Variants in QKI observed in about 807,000 individuals in gnomAD.
QKI encodes the protein KH domain-containing RNA-binding protein QKI.
A neutral mutation model predicts 39.0 loss-of-function variants in QKI; 10 were observed. That is an observed-to-expected ratio of 0.26 (90% CI 0.16 to 0.43). The LOEUF (loss-of-function observed/expected upper bound fraction) is 0.43, where lower values mean the gene tolerates loss of function less well. Ranked by LOEUF, QKI falls within the 20% of genes least tolerant of loss-of-function variation. The pLI, the probability that QKI is intolerant of heterozygous loss-of-function variation, is 1.00. For missense variants in QKI, 218 were observed against 428.0 expected (o/e 0.51, Z 4.33); for synonymous variants, 204 against 155.4 (o/e 1.31, Z -2.33).
chr6:163,504,560 C>T (rs772817351), intron 3 of QKI, among the ~76,000 whole-genome samples: 5 of 152,064 alleles, frequency 3.3e-5, no homozygotes, highest in African/African-American at 4.8e-5. Context: ...TTGTAGTTCT[C>T]CTTACAGAGA....
chr6:163,506,459 TGAA>T lies in QKI; in HGVS notation c.402+27570_402+27572del, dbSNP rs552723005. Among the ~76,000 whole-genome samples the T allele has an allele frequency of 6.6e-5, 10 of 152,324 alleles. No individual in the cohort carries two copies. The South Asian group carries it at 1.7e-3, about 25-fold the overall frequency. On this transcript the variant is annotated intron_variant, in intron 3 of 7. Coordinates refer to ENST00000361752, the MANE Select transcript of QKI (RefSeq NM_006775.3). Reference sequence around the variant, plus strand: ...ACCACAGGAAATTGCATTGTACAAATGAAGAAGAATACCCTTTTACATCACATG... The same window carrying T: ...ACCACAGGAAATTGCATTGTACAAATGAAGAATACCCTTTTACATCACATG...
At chr6:163,418,415 C>A (rs1359851994) in intron 1 of QKI, among the ~76,000 whole-genome samples, 2 of 152,080 alleles carry the variant, frequency 1.3e-5, no homozygotes, top group Non-Finnish European at 2.9e-5. Flanking sequence ...TAATTCCTTG[C>A]CAAGTTAACC....
At chr6:163,435,598 A>G (rs896226131) in intron 1 of QKI, among the ~76,000 whole-genome samples, 5 of 152,230 alleles carry the variant, frequency 3.3e-5, no homozygotes, top group African/African-American at 1.2e-4. Context: ...GTTAAGTTTT[A>G]TACATTAAAG....
intron 2 of QKI, among the ~76,000 whole-genome samples, chr6:163,475,487 T>C (rs1482064633): frequency 6.6e-6 from 1 of 152,166 alleles, no homozygotes; most frequent in African/African-American, 2.4e-5. Context: ...CACCGTTTTA[T>C]ATAAGGGACT....
chr6:163,545,723 A>G (rs1373919600), intron 4 of QKI, among the ~76,000 whole-genome samples: 3 of 151,972 alleles, frequency 2.0e-5, no homozygotes, highest in South Asian at 2.1e-4. Flanking sequence ...TTTCAACACA[A>G]GGTTTTGTTC....
intron 1 of QKI, among the ~76,000 whole-genome samples, chr6:163,447,249 A>ATTTTTTTT (rs4038332): frequency 8.3e-6 from 1 of 120,188 alleles, no homozygotes; most frequent in African/African-American, 3.1e-5. Flanking sequence ...GGTGCACGTG[A>ATTTTTTTT]TTTTTTTTTT....
chr6:163,486,665 A>G (rs955126911), intron 3 of QKI, among the ~76,000 whole-genome samples: 6 of 152,230 alleles, frequency 3.9e-5, no homozygotes, highest in Admixed American at 3.9e-4. Context: ...AAGAAAATTA[A>G]AGGCTCCTGA....
At position 163,510,763 on chromosome 6, in the gene QKI, A is replaced by G. The variant is rs142657984; in HGVS notation, c.403-24219A>G. Among the ~76,000 whole-genome samples the G allele has an allele frequency of 2.6e-4, 39 of 152,312 alleles. 1 individual carries two copies. Among genetic ancestry groups the G allele is most frequent in the African/African-American group, 8.7e-4 (36 of 41,574 alleles). On this transcript the variant is annotated intron_variant, in intron 3 of 7. Coordinates refer to ENST00000361752, the MANE Select transcript of QKI (RefSeq NM_006775.3). ...AAAAGTTCATCAGGAGGACATATCA[A>G]TCATAAGTGTATATTTATTTAATGC...
intron 1 of QKI, among the ~76,000 whole-genome samples, chr6:163,440,894 A>T (rs1789718210): frequency 6.6e-6 from 1 of 151,852 alleles, no homozygotes; most frequent in Non-Finnish European, 1.5e-5. Flanking sequence ...AAAACAGGTT[A>T]TACTTTATTC....
At chr6:163,541,166 C>T (rs768982748) in intron 4 of QKI, among the ~76,000 whole-genome samples, 13 of 151,958 alleles carry the variant, frequency 8.6e-5, no homozygotes, top group African/African-American at 3.1e-4. Flanking sequence ...TATTATGCTG[C>T]GTTTTTATTA....
At chr6:163,557,818 T>TAA (rs563335411) in intron 4 of QKI, among the ~76,000 whole-genome samples, 32 of 142,466 alleles carry the variant, frequency 2.2e-4, no homozygotes, top group South Asian at 9.0e-4. Flanking sequence ...CACAAAAACT[T>TAA]AAAAAAAAAA....
At chr6:163,481,340 G>A (rs1212431083) in intron 3 of QKI, among the ~76,000 whole-genome samples, 1 of 151,872 alleles carries the variant, frequency 6.6e-6, no homozygotes, top group East Asian at 1.9e-4. Flanking sequence ...GCTACGATGG[G>A]AATGGTGTGT....
At chr6:163,428,635 CAT>C (rs947916878) in intron 1 of QKI, among the ~76,000 whole-genome samples, 48 of 152,070 alleles carry the variant, frequency 3.2e-4, no homozygotes, top group African/African-American at 1.1e-3. Flanking sequence ...ATTGCTTTAA[CAT>C]ATGCTTTGCA....
intron 1 of QKI, among the ~76,000 whole-genome samples, chr6:163,421,959 G>T (rs1220644474): frequency 1.3e-5 from 2 of 151,892 alleles, no homozygotes; most frequent in Non-Finnish European, 2.9e-5. Flanking sequence ...TGGCCAGGCT[G>T]ATCTTGAACT....
At chr6:163,556,874 C>CA (rs1191650117) in intron 4 of QKI, among the ~76,000 whole-genome samples, 2 of 152,126 alleles carry the variant, frequency 1.3e-5, no homozygotes, top group Admixed American at 1.3e-4. Context: ...TTTTACATTT[C>CA]AAAAGTAAAG....
intron 1 of QKI, among the ~76,000 whole-genome samples, chr6:163,428,262 G>A (rs914877414): frequency 6.6e-6 from 1 of 152,124 alleles, no homozygotes; most frequent in Non-Finnish European, 1.5e-5. Context: ...AACTAGTTTA[G>A]TACATCAGAT....
At chr6:163,565,949 T>C in intron 6 of QKI, 1 of 1,613,518 alleles carries the variant, frequency 6.2e-7, no homozygotes, top group Non-Finnish European at 8.5e-7. Flanking sequence ...TCTTTAGGTA[T>C]GGCTTTCCCA....
chr6:163,484,940 G>A (rs1413981050), intron 3 of QKI, among the ~76,000 whole-genome samples: 3 of 152,160 alleles, frequency 2.0e-5, no homozygotes, highest in Non-Finnish European at 4.4e-5. Flanking sequence ...GTTGCCATAA[G>A]CCTTCAATTT....
chr6:163,451,953 T>A (rs1301485913), intron 1 of QKI, among the ~76,000 whole-genome samples: 1 of 152,198 alleles, frequency 6.6e-6, no homozygotes, highest in East Asian at 1.9e-4. Flanking sequence ...GAAGCTCTGA[T>A]TGCCACGACT....
Sources: gnomAD v4.1 joint callset for allele counts (sites outside exome capture counted in the v4.1 genomes callset) on GRCh38, gnomAD v4.1.1 for gene constraint, MANE v1.5 for transcripts, NCBI Gene and HGNC (gene_info 2026-07-23, HGNC 2026-07-21) for gene names.